The following CACNA1A variants were observed in gnomAD, a reference collection of about 807,000 sequenced individuals.
The protein encoded by CACNA1A is voltage-dependent P/Q-type calcium channel subunit alpha-1A.
CACNA1A carries 57 observed loss-of-function variants against 262.4 expected under a neutral mutation model. The ratio of observed to expected loss-of-function variants is 0.22; its 90% CI spans 0.18 to 0.27. The LOEUF (loss-of-function observed/expected upper bound fraction) is 0.27. Ranked by LOEUF, CACNA1A falls within the 10% of genes least tolerant of loss-of-function variation. CACNA1A has a pLI of 1.00. For synonymous variants in CACNA1A, 1,431 were observed against 1,419.3 expected, an observed-to-expected ratio of 1.01 and a Z score of -0.18; for missense variants, 2,526 against 3,562.8, an observed-to-expected ratio of 0.71 and a Z score of 7.41.
At chr19:13,318,957 T>C (rs1038209131) in intron 10 of CACNA1A, among the ~76,000 whole-genome samples, 12 of 148,280 alleles carry the variant, frequency 8.1e-5, no homozygotes, top group Non-Finnish European at 5.9e-5. Context: ...GGCTTGATCC[T>C]AGCTCACTGC....
At chr19:13,462,292 G>A (rs904836400) in intron 1 of CACNA1A, among the ~76,000 whole-genome samples, 3 of 152,146 alleles carry the variant, frequency 2.0e-5, no homozygotes, top group Non-Finnish European at 2.9e-5. Context: ...TGGGTTCTAA[G>A]GAAACAGATA....
intron 10 of CACNA1A, among the ~76,000 whole-genome samples, chr19:13,322,799 T>C (rs912902318): frequency 2.6e-5 from 4 of 152,156 alleles, no homozygotes; most frequent in African/African-American, 9.7e-5. Context: ...TTTCACCATG[T>C]TGGTCAGCCT....
Position 13,308,041 on chromosome 19 carries a change from C to A in CACNA1A, c.1913+79G>T. ...GTGTCTGGGCTACGAGGAAGGCAGC[C>A]TGCACGGTGGAGGGGACTGTGTGTT... On this transcript the variant is annotated intron_variant, in intron 14 of 46. Coordinates refer to ENST00000360228, the MANE Select transcript of CACNA1A (RefSeq NM_001127222.2). The surrounding 1 kb of genome is among the most constrained non-coding windows in gnomAD (Gnocchi z 4.2). 3.2e-6 allele frequency: 5 copies of A among 1,572,354 alleles called. No individual in the cohort carries two copies. Among genetic ancestry groups the A allele is most frequent in the Non-Finnish European group, 3.5e-6 (4 of 1,152,212 alleles).
chr19:13,409,470 A>G (rs1465665986), intron 3 of CACNA1A, among the ~76,000 whole-genome samples: 3 of 151,924 alleles, frequency 2.0e-5, no homozygotes, highest in African/African-American at 7.3e-5. Flanking sequence ...GTCATTGTTG[A>G]TGTCTGTATC....
rs546254319 is a variant in CACNA1A at position 13,218,153 on chromosome 19, C to T, written c.5732-3545G>A. 1.0e-4 allele frequency among the ~76,000 whole-genome samples: 15 copies of T among 149,830 alleles called. No individual in the cohort carries two copies. In the South Asian group the frequency reaches 2.8e-3, roughly 28 times the overall value. ...TTGCCCAGGCTGGAGTGCAATGGTG[C>T]GATCTTGGCTCACTGCAACCTCGGC... On this transcript the variant is annotated intron_variant, in intron 38 of 46. Coordinates refer to ENST00000360228, the MANE Select transcript of CACNA1A (RefSeq NM_001127222.2).
chr19:13,485,984 A>C (rs1979927955), intron 1 of CACNA1A, among the ~76,000 whole-genome samples: 1 of 152,260 alleles, frequency 6.6e-6, no homozygotes, highest in Non-Finnish European at 1.5e-5. Flanking sequence ...TGAATAAACA[A>C]GATCATGAAG....
At chr19:13,302,306 G>C (rs1305718522) in intron 17 of CACNA1A, among the ~76,000 whole-genome samples, 1 of 152,096 alleles carries the variant, frequency 6.6e-6, no homozygotes, top group African/African-American at 2.4e-5. Context: ...TTTCTTGTCT[G>C]TCTCCCCTCT....
Position 13,505,673 on chromosome 19 carries a change from C to A in CACNA1A, c.293+259G>T, listed in dbSNP as rs533993598. On this transcript the variant is annotated intron_variant, in intron 1 of 46. Coordinates refer to ENST00000360228, the MANE Select transcript of CACNA1A (RefSeq NM_001127222.2). ...CCCCAGATCTCATTCTAGAGTCGGT[C>A]CTTGGGAAGGATCCACTCTCCGCTG... 1.2e-4 allele frequency among the ~76,000 whole-genome samples: 19 copies of A among 152,018 alleles called. No homozygotes were observed. In the East Asian group the frequency reaches 3.7e-3, roughly 30 times the overall value.
intron 24 of CACNA1A, among the ~76,000 whole-genome samples, chr19:13,265,550 C>A (rs2056842951): frequency 6.6e-6 from 1 of 152,118 alleles, no homozygotes; most frequent in Non-Finnish European, 1.5e-5. Flanking sequence ...CAAGGCTGTG[C>A]CCCCAAGTGT....
chr19:13,499,462 C>T (rs1157050531), intron 1 of CACNA1A, among the ~76,000 whole-genome samples: 1 of 142,362 alleles, frequency 7.0e-6, no homozygotes. Flanking sequence ...GGGGGGGGCA[C>T]TTCGCTCCCA....
intron 1 of CACNA1A, among the ~76,000 whole-genome samples, chr19:13,462,308 A>T (rs1001745872): frequency 5.9e-5 from 9 of 152,178 alleles, no homozygotes; most frequent in African/African-American, 1.9e-4. Flanking sequence ...AGATACTTGT[A>T]GCAGTTAGCC....
intron 10 of CACNA1A, among the ~76,000 whole-genome samples, 175 bp downstream of exon 10, chr19:13,330,069 C>T (rs374211638): frequency 2.0e-5 from 3 of 152,228 alleles, no homozygotes; most frequent in East Asian, 1.9e-4. Flanking sequence ...AAGCTAGGCA[C>T]GGATGTTATT....
chr19:13,227,561 A>G (rs1273206895), intron 36 of CACNA1A, 34 bp from the exon 37 acceptor site: 57 of 1,266,818 alleles, frequency 4.5e-5, no homozygotes, highest in Non-Finnish European at 6.3e-5. Context: ...AACAAAAACA[A>G]AAACAAAAAA....
At position 13,207,633 on chromosome 19, in the gene CACNA1A, G is replaced by T; in HGVS notation, c.7201C>A (p.Pro2401Thr). Residue 2401 changes from proline (P) to threonine (T), a missense_variant, in exon 47 of 47, where the codon CCC becomes ACC. By Grantham distance (38) the Pro-to-Thr change is conservative. Around this residue, in one of 17 missense-constraint regions of CACNA1A, gnomAD observed 929 missense variants for 868.1 expected, o/e 1.07. Transcript: ENST00000360228. This position sits in a 1 kb window ranked among gnomAD's most constrained non-coding sequence, Gnocchi z 5.7. ...TAGCCATGGTGCCGGGGACCCGGGG[G>T]CCCCTCGGACACGTGCGGGCCAGAT... is the stretch of plus-strand genomic sequence containing the variant. ...PASGPHVSEG[P>T]PGPRHHGYYR... 6.8e-7 allele frequency: 1 copy of T among 1,478,032 alleles called. No homozygotes were observed. The highest frequency in any genetic ancestry group is 9.0e-7 in the Non-Finnish European group (1 of 1,115,076). 91.6% of individuals were successfully genotyped at this position (1,478,032 alleles called of 1,614,324 possible).
chr19:13,262,233 A>G (rs921608719), intron 25 of CACNA1A: 1 of 156,484 alleles, frequency 6.4e-6, no homozygotes, highest in East Asian at 1.9e-4. Flanking sequence ...AATACTGGGG[A>G]CCCCCAGGTG....
chr19:13,257,315 A>G, intron 28 of CACNA1A, 35 bp downstream of exon 28: 2 of 1,564,302 alleles, frequency 1.3e-6, no homozygotes. Context: ...GTGTGTCCCC[A>G]GTTTTTAAAG....
intron 19 of CACNA1A, among the ~76,000 whole-genome samples, chr19:13,287,732 C>T (rs904566532): frequency 2.0e-5 from 3 of 151,400 alleles, no homozygotes; most frequent in African/African-American, 7.3e-5. Flanking sequence ...GAATTCCTGA[C>T]CTCAAGTGAT....
chr19:13,501,963 G>A lies in CACNA1A; in HGVS notation c.293+3969C>T, dbSNP rs1359189325. Among the ~76,000 whole-genome samples, 8 of 152,054 alleles carry A rather than the reference G, an allele frequency of 5.3e-5. No homozygotes were observed. The South Asian group carries it at 8.3e-4, about 16-fold the overall frequency. On this transcript the variant is annotated intron_variant, in intron 1 of 46. Transcript: ENST00000360228. ...GAAAAGCCGTGCTAAATTTTACTTC[G>A]CAGAATTTTGCTCCTCTGGAAATAC...
At chr19:13,473,873 G>C (rs1978302292) in intron 1 of CACNA1A, among the ~76,000 whole-genome samples, 1 of 151,684 alleles carries the variant, frequency 6.6e-6, no homozygotes, top group African/African-American at 2.4e-5. Context: ...CTAACTCTGA[G>C]CTGTTGCATT....
Sources: gnomAD v4.1 joint callset for allele counts (sites outside exome capture counted in the v4.1 genomes callset) on GRCh38, gnomAD v4.1.1 for gene constraint, gnomAD v4.1.1 regional missense constraint, Gnocchi (gnomAD v3.1) non-coding constraint, MANE v1.5 for transcripts, NCBI Gene and HGNC (gene_info 2026-07-23, HGNC 2026-07-21) for gene names.